Variants in RBM47 observed in about 807,000 individuals in gnomAD.
RBM47 encodes the protein RNA binding motif protein 47.
Under a neutral mutation model 47.1 loss-of-function variants are expected in RBM47, and 21 were observed. The observed-to-expected ratio is 0.45, with a 90% CI of 0.32 to 0.64. The LOEUF is 0.64. Among genes scored for constraint, RBM47 ranks in the 30% least tolerant of loss-of-function variants. RBM47 has a pLI of 0.05. For synonymous variants in RBM47, 375 were observed against 361.7 expected (o/e 1.04, Z -0.42); for missense variants, 708 against 870.9 (o/e 0.81, Z 2.35).
At chr4:40,465,223 C>A (rs12645439) in intron 3 of RBM47, among the ~76,000 whole-genome samples, 34,888 of 151,964 alleles carry the variant, frequency 0.23, 4,343 homozygotes, top group Middle Eastern at 0.26. Flanking sequence ...CCTGACACAC[C>A]AATATCTACT....
chr4:40,474,915 C>A (rs79058257), intron 2 of RBM47, among the ~76,000 whole-genome samples: 3,581 of 152,224 alleles, frequency 0.024, 135 homozygotes, highest in African/African-American at 0.08. Context: ...GAGTATTTTT[C>A]TTTAAAAGAT....
chr4:40,460,404 G>A (rs1384796860), intron 3 of RBM47, among the ~76,000 whole-genome samples: 1 of 152,136 alleles, frequency 6.6e-6, no homozygotes, highest in Non-Finnish European at 1.5e-5. Context: ...TACAGTGCTT[G>A]AGCTCGAGCT....
chr4:40,438,653 C>T lies in RBM47; in HGVS notation c.241G>A (p.Asp81Asn). ...CEVFVGKIPRDVYEDELVPVF... is the reference protein window; with the variant it reads ...CEVFVGKIPRNVYEDELVPVF... ...GGCACCAGCTCGTCCTCGTACACGT[C>T]GCGCGGGATCTTGCCCACGAAGACC... The change falls in exon 4 of 7, where the codon GAC (aspartate) becomes AAC (asparagine). Residue 81 changes from aspartate to asparagine, a missense_variant. Asp to Asn is a conservative substitution (Grantham distance 23). Transcript: ENST00000295971. 1.9e-6 allele frequency: 3 copies of T among 1,612,296 alleles called. No homozygotes were observed. The highest frequency in any genetic ancestry group is 2.5e-6 in the Non-Finnish European group (3 of 1,178,988).
chr4:40,593,034 C>T (rs1376705415), intron 1 of RBM47, among the ~76,000 whole-genome samples: 2 of 104,332 alleles, frequency 1.9e-5, no homozygotes, highest in Non-Finnish European at 3.6e-5. Context: ...CTGGCTCTGT[C>T]GCCCAGGCTG....
intron 2 of RBM47, among the ~76,000 whole-genome samples, chr4:40,534,012 C>G (rs1727667019): frequency 6.6e-6 from 1 of 151,942 alleles, no homozygotes; most frequent in Non-Finnish European, 1.5e-5. Flanking sequence ...ATGTGGTTTC[C>G]CCGTGTTGGT....
At chr4:40,427,259 G>A (rs1715193730) in intron 6 of RBM47, 1 of 152,236 alleles carries the variant, frequency 6.6e-6, no homozygotes, top group African/African-American at 2.4e-5. Context: ...TAATGGGGAA[G>A]TTGGAGAAAA....
At position 40,628,238 on chromosome 4, in the gene RBM47, TCTC is replaced by T. The variant is rs549608383; in HGVS notation, c.-240+1155_-240+1157del. 2.0e-5 allele frequency among the ~76,000 whole-genome samples: 3 copies of T among 152,056 alleles called. No individual in the cohort carries two copies. The highest frequency in any genetic ancestry group is 4.4e-5 in the Non-Finnish European group (3 of 68,004). The stretch of plus-strand genomic sequence containing the variant: ...GAAAAAAATATTAAAAACCAAACCA[TCTC>T]CTCCTTTCTTTTTTTCCTTCTGTTT... On this transcript the variant is annotated intron_variant, in intron 1 of 6. Coordinates refer to ENST00000295971, the MANE Select transcript of RBM47 (RefSeq NM_001098634.2). This position sits in a 1 kb window ranked among gnomAD's most constrained non-coding sequence, Gnocchi z 4.0.
intron 2 of RBM47, among the ~76,000 whole-genome samples, chr4:40,517,195 C>T (rs750731389): frequency 1.3e-5 from 2 of 150,614 alleles, no homozygotes; most frequent in African/African-American, 4.9e-5. Context: ...AGTGCAGTGG[C>T]ACAATCTCAG....
chr4:40,481,132 A>C (rs988297309), intron 2 of RBM47, among the ~76,000 whole-genome samples: 3 of 152,134 alleles, frequency 2.0e-5, no homozygotes, highest in Non-Finnish European at 4.4e-5. Context: ...AATTGCCACA[A>C]AAATCCCCTA....
intron 1 of RBM47, among the ~76,000 whole-genome samples, chr4:40,620,801 T>C (rs1210176285): frequency 2.6e-5 from 4 of 152,184 alleles, no homozygotes; most frequent in Admixed American, 6.5e-5. Flanking sequence ...CCCAAAGTGC[T>C]GGGATTACAG....
Position 40,551,692 on chromosome 4 carries a change from A to C in RBM47, c.-239-7186T>G, listed in dbSNP as rs954844588. On this transcript the variant is annotated intron_variant, in intron 1 of 6. Coordinates refer to ENST00000295971, the MANE Select transcript of RBM47 (RefSeq NM_001098634.2). ...GAGACAGAGTCTCGCTCTCTTGCCCAGGTTGGAGTGCAGTGGTGGGATCTC... is the reference window on the plus strand; with the variant it reads ...GAGACAGAGTCTCGCTCTCTTGCCCCGGTTGGAGTGCAGTGGTGGGATCTC... Among the ~76,000 whole-genome samples the C allele has an allele frequency of 1.2e-3, 174 of 141,608 alleles. 1 individual carries two copies. Among genetic ancestry groups the C allele is most frequent in the African/African-American group, 4.5e-3 (167 of 37,398 alleles). The allele number at this position is 141,608 out of a possible 152,430, so 92.9% of individuals were successfully genotyped here.
At chr4:40,545,048 CTT>C (rs532170715) in intron 1 of RBM47, among the ~76,000 whole-genome samples, 15,515 of 113,804 alleles carry the variant, frequency 0.14, 2,000 homozygotes, top group African/African-American at 0.37. Flanking sequence ...GAGTGAGATC[CTT>C]TTTTTTTTTT....
chr4:40,522,537 C>A (rs1369104822), intron 2 of RBM47, among the ~76,000 whole-genome samples: 5 of 151,954 alleles, frequency 3.3e-5, no homozygotes, highest in African/African-American at 4.8e-5. Flanking sequence ...ACAAAAACTA[C>A]CTCTTGTAGA....
At chr4:40,616,625 C>T (rs1736758150) in intron 1 of RBM47, among the ~76,000 whole-genome samples, 1 of 152,062 alleles carries the variant, frequency 6.6e-6, no homozygotes, top group Non-Finnish European at 1.5e-5. Flanking sequence ...TACAAATCAG[C>T]CTTTCATTAT....
At chr4:40,540,071 A>G (rs1027910738) in intron 2 of RBM47, among the ~76,000 whole-genome samples, 2 of 152,098 alleles carry the variant, frequency 1.3e-5, no homozygotes, top group African/African-American at 2.4e-5. Flanking sequence ...ATTTTACTTA[A>G]AGTTCCCATC....
At chr4:40,594,362 T>C (rs946557859) in intron 1 of RBM47, among the ~76,000 whole-genome samples, 11 of 152,310 alleles carry the variant, frequency 7.2e-5, no homozygotes, top group African/African-American at 2.4e-4. Context: ...ATAGCAAATC[T>C]GCAAGGAGTG....
chr4:40,556,804 C>T (rs1730139317), intron 1 of RBM47, among the ~76,000 whole-genome samples: 1 of 152,050 alleles, frequency 6.6e-6, no homozygotes, highest in Non-Finnish European at 1.5e-5. Context: ...GTGGGTGAAT[C>T]ACCTGAGCCC....
At chr4:40,565,306 C>T (rs764208780) in intron 1 of RBM47, among the ~76,000 whole-genome samples, 13 of 152,208 alleles carry the variant, frequency 8.5e-5, no homozygotes, top group Non-Finnish European at 1.9e-4. Flanking sequence ...AGGGGAGCCT[C>T]AAGGGCACCA....
chr4:40,469,338 C>A (rs1429136310), intron 2 of RBM47, among the ~76,000 whole-genome samples: 2 of 151,922 alleles, frequency 1.3e-5, no homozygotes, highest in Non-Finnish European at 2.9e-5. Flanking sequence ...TCAAGTAACA[C>A]AGGACATTTC....
Sources: allele counts gnomAD v4.1 joint callset (sites outside exome capture counted in the v4.1 genomes callset), GRCh38; gene constraint gnomAD v4.1.1; non-coding constraint Gnocchi (gnomAD v3.1); transcripts MANE v1.5; gene names NCBI Gene and HGNC (gene_info 2026-07-23, HGNC 2026-07-21).